The following RNF220 variants were observed in gnomAD, a reference collection of about 807,000 sequenced individuals.
The protein encoded by RNF220 is E3 ubiquitin-protein ligase RNF220.
Under a neutral mutation model 67.1 loss-of-function variants are expected in RNF220, and 7 were observed. The ratio of observed to expected loss-of-function variants is 0.10; its 90% CI spans 0.06 to 0.20. The LOEUF (loss-of-function observed/expected upper bound fraction) is 0.20, where lower values mean the gene tolerates loss of function less well. Ranked by LOEUF, RNF220 falls within the 10% of genes least tolerant of loss-of-function variation. The probability of loss-of-function intolerance (pLI) is 1.00; values close to 1 mark genes in which losing one functional copy is unlikely to be tolerated. For synonymous variants in RNF220, 270 were observed against 283.2 expected (o/e 0.95, Z 0.47); for missense variants, 565 against 740.3 (o/e 0.76, Z 2.75).
At chr1:44,424,740 T>C (rs1057494547) in intron 2 of RNF220, among the ~76,000 whole-genome samples, 1 of 152,200 alleles carries the variant, frequency 6.6e-6, no homozygotes, top group Non-Finnish European at 1.5e-5. Flanking sequence ...GCCTGTCTTA[T>C]TGCTGATCAA....
intron 9 of RNF220, 92 bp downstream of exon 9, chr1:44,644,886 C>T (rs1644591924): frequency 2.0e-6 from 3 of 1,520,672 alleles, no homozygotes; most frequent in Non-Finnish European, 2.7e-6. Flanking sequence ...CCTGCACCAC[C>T]CCCCGGGCCA....
chr1:44,647,782 A>G (rs1244266391), intron 12 of RNF220, among the ~76,000 whole-genome samples: 6 of 152,084 alleles, frequency 3.9e-5, no homozygotes, highest in African/African-American at 9.7e-5. Flanking sequence ...TCCTGAGCCA[A>G]TTGTCTCCCC....
At chr1:44,448,745 T>A (rs1166705872) in intron 2 of RNF220, among the ~76,000 whole-genome samples, 1 of 152,228 alleles carries the variant, frequency 6.6e-6, no homozygotes, top group African/African-American at 2.4e-5. Context: ...GCTTCCAACG[T>A]AATTGAGAAC....
At chr1:44,453,757 G>A (rs960705779) in intron 2 of RNF220, among the ~76,000 whole-genome samples, 45 of 151,898 alleles carry the variant, frequency 3.0e-4, no homozygotes, top group African/African-American at 1.1e-3. Context: ...TGCTATCTTT[G>A]TCTATTTTTT....
chr1:44,625,370 CTGAGGATG>C (rs1643908655), intron 4 of RNF220, among the ~76,000 whole-genome samples: 1 of 152,240 alleles, frequency 6.6e-6, no homozygotes, highest in Non-Finnish European at 1.5e-5. Flanking sequence ...GGGCCCTTGC[CTGAGGATG>C]TGCAGCATGG....
chr1:44,591,049 C>T (rs916393741), intron 2 of RNF220, among the ~76,000 whole-genome samples: 5 of 152,166 alleles, frequency 3.3e-5, no homozygotes, highest in African/African-American at 1.2e-4. Context: ...GCAACCTCCG[C>T]CTCCTAGGTT....
At position 44,449,154 on chromosome 1, in the gene RNF220, C is replaced by G. The variant is rs149109329; in HGVS notation, c.625+36432C>G. Among the ~76,000 whole-genome samples the G allele has an allele frequency of 4.0e-3, 602 of 152,334 alleles. 3 individuals carry two copies. The highest frequency in any genetic ancestry group is 0.01 in the Middle Eastern group (3 of 292). The stretch of plus-strand genomic sequence containing the variant: ...TCGGATATTGGTTTTAGTCACAGCT[C>G]TAGCTAGCTGAATGACCTGGAGAAA... On this transcript the variant is annotated intron_variant, in intron 2 of 14. Coordinates refer to ENST00000361799, the MANE Select transcript of RNF220 (RefSeq NM_018150.4).
intron 2 of RNF220, among the ~76,000 whole-genome samples, chr1:44,579,900 G>A (rs759116171): frequency 1.1e-4 from 17 of 151,584 alleles, no homozygotes; most frequent in Admixed American, 1.1e-3. Flanking sequence ...GTGTGGTGGC[G>A]TGCATCTGTA....
chr1:44,552,556 T>C (rs1662724260), intron 2 of RNF220, among the ~76,000 whole-genome samples: 1 of 124,194 alleles, frequency 8.1e-6, no homozygotes, highest in Non-Finnish European at 1.6e-5. Flanking sequence ...CCTGCTATTC[T>C]AAACTTCTTC....
chr1:44,434,840 G>A (rs1295641416), intron 2 of RNF220, among the ~76,000 whole-genome samples: 1 of 150,454 alleles, frequency 6.6e-6, no homozygotes, highest in Non-Finnish European at 1.5e-5. Flanking sequence ...GGGCAACATA[G>A]CAACACTCCA....
chr1:44,634,932 G>A (rs188077123), intron 6 of RNF220, among the ~76,000 whole-genome samples: 9 of 152,276 alleles, frequency 5.9e-5, no homozygotes, highest in African/African-American at 1.9e-4. Flanking sequence ...TGACCTGGCT[G>A]CCAAAGGTCT....
In RNF220 at chr1:44,565,686, C is replaced by T. The variant is rs1663948009; in HGVS notation, c.626-48479C>T. On this transcript the variant is annotated intron_variant, in intron 2 of 14. Transcript: ENST00000361799. The surrounding 1 kb of genome is among the most constrained non-coding windows in gnomAD (Gnocchi z 4.2). ...CCACTTTAGTATTAGCCTGAGCTAC[C>T]CATTTTAGCTGGAGGGGTTTGCATA... Among the ~76,000 whole-genome samples the T allele has an allele frequency of 6.6e-6, 1 of 152,134 alleles. No homozygotes were observed. The highest frequency in any genetic ancestry group is 2.1e-4 in the South Asian group (1 of 4,826).
chr1:44,562,417 T>C (rs957180680), intron 2 of RNF220, among the ~76,000 whole-genome samples: 3 of 152,216 alleles, frequency 2.0e-5, no homozygotes, highest in Non-Finnish European at 4.4e-5. Context: ...CAGGCCTTGA[T>C]GACTCCATTT....
chr1:44,471,136 A>G (rs1432708714), intron 2 of RNF220, among the ~76,000 whole-genome samples: 1 of 152,218 alleles, frequency 6.6e-6, no homozygotes, highest in African/African-American at 2.4e-5. Context: ...TGAAGTGTAC[A>G]AGTCATTGGC....
chr1:44,471,341 G>C (rs190832487), intron 2 of RNF220, among the ~76,000 whole-genome samples: 2 of 152,126 alleles, frequency 1.3e-5, no homozygotes, highest in East Asian at 3.9e-4. Flanking sequence ...CGGGAGAATC[G>C]CTTGAACCTG....
At chr1:44,484,504 TC>T (rs1656107059) in intron 2 of RNF220, among the ~76,000 whole-genome samples, 1 of 151,886 alleles carries the variant, frequency 6.6e-6, no homozygotes, top group African/African-American at 2.4e-5. Flanking sequence ...AGCCACAGGA[TC>T]CCCCTGTGGC....
At chr1:44,407,759 T>C (rs1441064016) in intron 1 of RNF220, among the ~76,000 whole-genome samples, 1 of 152,080 alleles carries the variant, frequency 6.6e-6, no homozygotes, top group East Asian at 1.9e-4. Context: ...CCCGCGCCGG[T>C]CCGTATTTGC....
At chr1:44,582,578 GA>G (rs1665377198) in intron 2 of RNF220, among the ~76,000 whole-genome samples, 1 of 152,074 alleles carries the variant, frequency 6.6e-6, no homozygotes, top group Non-Finnish European at 1.5e-5. Context: ...CCAATATGGT[GA>G]AACCCCATCT....
At chr1:44,463,369 A>C (rs537483347) in intron 2 of RNF220, among the ~76,000 whole-genome samples, 1 of 151,992 alleles carries the variant, frequency 6.6e-6, no homozygotes, top group South Asian at 2.1e-4. Flanking sequence ...AAAATACAGG[A>C]AATAAGCACT....
Sources: gnomAD v4.1 joint callset for allele counts (sites outside exome capture counted in the v4.1 genomes callset) on GRCh38, gnomAD v4.1.1 for gene constraint, Gnocchi (gnomAD v3.1) non-coding constraint, MANE v1.5 for transcripts, NCBI Gene and HGNC (gene_info 2026-07-23, HGNC 2026-07-21) for gene names.